MAN1C1: variants seen among roughly 807,000 people sequenced by gnomAD.
The protein encoded by MAN1C1 is mannosyl-oligosaccharide 1,2-alpha-mannosidase IC.
Under a neutral mutation model 71.5 loss-of-function variants are expected in MAN1C1, and 49 were observed. The observed-to-expected ratio is 0.69, with a 90% confidence interval of 0.54 to 0.87. MAN1C1 has a LOEUF of 0.87. MAN1C1 is among the 40% of genes least tolerant of loss of function. The pLI, the probability that MAN1C1 is intolerant of heterozygous loss-of-function variation, is 0.00. For synonymous variants in MAN1C1, 352 were observed against 343.7 expected (o/e 1.02, Z -0.27); for missense variants, 743 against 835.0 (o/e 0.89, Z 1.36).
intron 2 of MAN1C1, among the ~76,000 whole-genome samples, chr1:25,713,837 A>G (rs189731306): frequency 6.6e-6 from 1 of 152,204 alleles, no homozygotes. Context: ...CGCTGGGCCC[A>G]GTGTCTGCTC....
intron 1 of MAN1C1, among the ~76,000 whole-genome samples, chr1:25,621,198 G>C (rs2124746533): frequency 6.6e-6 from 1 of 152,348 alleles, no homozygotes; most frequent in East Asian, 1.9e-4. Flanking sequence ...TCCGAACTCT[G>C]TTTTGAGATA....
intron 2 of MAN1C1, among the ~76,000 whole-genome samples, chr1:25,728,153 G>T (rs898169663): frequency 6.6e-6 from 1 of 152,180 alleles, no homozygotes; most frequent in African/African-American, 2.4e-5. Flanking sequence ...CTAAAGCCTG[G>T]AGTGAGAGTC....
intron 1 of MAN1C1, among the ~76,000 whole-genome samples, chr1:25,653,797 C>T (rs146275620): frequency 6.6e-5 from 10 of 152,226 alleles, no homozygotes; most frequent in Non-Finnish European, 1.5e-4. Flanking sequence ...AGGGCCAGGT[C>T]GGGGCGGGGA....
chr1:25,661,670 A>G (rs72662653), intron 1 of MAN1C1, among the ~76,000 whole-genome samples: 18 of 152,336 alleles, frequency 1.2e-4, no homozygotes, highest in Admixed American at 2.0e-4. Context: ...AGCAGGAAGC[A>G]GAGCCACAGT....
At chr1:25,655,960 C>A (rs1023890256) in intron 1 of MAN1C1, among the ~76,000 whole-genome samples, 1 of 151,940 alleles carries the variant, frequency 6.6e-6, no homozygotes, top group African/African-American at 2.4e-5. Flanking sequence ...ACTGGGGGTG[C>A]TCAGGAGCTG....
Position 25,753,976 on chromosome 1 carries a change from C to G in MAN1C1, c.929+398C>G, listed in dbSNP as rs2047251552. On this transcript the variant is annotated intron_variant, in intron 5 of 11. Transcript: ENST00000374332. This position sits in a 1 kb window ranked among gnomAD's most constrained non-coding sequence, Gnocchi z 4.9. ...CACAATGGCCCCAAACACTCTCTTC[C>G]CCCGCTGGGGTTCCGGAGCCAGCAG... 6.6e-6 allele frequency among the ~76,000 whole-genome samples: 1 copy of G among 152,146 alleles called. No individual in the cohort carries two copies. Among genetic ancestry groups the G allele is most frequent in the Admixed American group, 6.5e-5 (1 of 15,282 alleles).
chr1:25,781,436 C>T (rs1042415849), intron 10 of MAN1C1, among the ~76,000 whole-genome samples: 3 of 152,156 alleles, frequency 2.0e-5, no homozygotes, highest in African/African-American at 7.2e-5. Context: ...CACCACGCGG[C>T]CACCGCTGTC....
intron 2 of MAN1C1, among the ~76,000 whole-genome samples, chr1:25,690,281 T>G (rs1391134478): frequency 6.7e-6 from 1 of 148,208 alleles, no homozygotes; most frequent in East Asian, 1.9e-4. Context: ...AAGGCTGATC[T>G]CTGCCTCTTT....
intron 1 of MAN1C1, among the ~76,000 whole-genome samples, chr1:25,682,931 G>A (rs556025794): frequency 3.3e-5 from 5 of 152,032 alleles, no homozygotes; most frequent in Admixed American, 1.3e-4. Context: ...CCGGCTACTC[G>A]GGAGGCTGAC....
intron 2 of MAN1C1, among the ~76,000 whole-genome samples, chr1:25,716,460 G>A (rs2046682635): frequency 6.6e-6 from 1 of 152,168 alleles, no homozygotes; most frequent in African/African-American, 2.4e-5. Context: ...AGCCTTCTGA[G>A]CAGCTGGGAC....
intron 1 of MAN1C1, among the ~76,000 whole-genome samples, chr1:25,675,240 T>A (rs1390539065): frequency 6.6e-6 from 1 of 152,128 alleles, no homozygotes; most frequent in Non-Finnish European, 1.5e-5. Flanking sequence ...CCCTGCAGTC[T>A]TTCCCCCAAC....
intron 2 of MAN1C1, among the ~76,000 whole-genome samples, chr1:25,742,085 G>A (rs2047070188): frequency 6.6e-6 from 1 of 152,334 alleles, no homozygotes; most frequent in Middle Eastern, 3.4e-3. Flanking sequence ...GCAAGAAGAG[G>A]TTAGCTAGTG....
At chr1:25,716,768 A>G (rs977388510) in intron 2 of MAN1C1, among the ~76,000 whole-genome samples, 1 of 152,236 alleles carries the variant, frequency 6.6e-6, no homozygotes, top group African/African-American at 2.4e-5. Context: ...ATGTATTTCA[A>G]CACCACTAAA....
chr1:25,693,288 G>A (rs538607340), intron 2 of MAN1C1, among the ~76,000 whole-genome samples: 2 of 152,286 alleles, frequency 1.3e-5, no homozygotes, highest in South Asian at 4.1e-4. Context: ...GGCTGAGGAG[G>A]AGGAAGTGGG....
chr1:25,659,106 C>G (rs1398811223), intron 1 of MAN1C1: 1 of 152,330 alleles, frequency 6.6e-6, no homozygotes, highest in African/African-American at 2.4e-5. Context: ...GTTCCCTGAT[C>G]TAAGCCCAGC....
chr1:25,727,910 A>C (rs996180118), intron 2 of MAN1C1, among the ~76,000 whole-genome samples: 1 of 152,244 alleles, frequency 6.6e-6, no homozygotes, highest in African/African-American at 2.4e-5. Context: ...GTGCAGACAC[A>C]TGACAAGGCT....
chr1:25,728,997 C>T (rs535100732), intron 2 of MAN1C1, among the ~76,000 whole-genome samples: 10 of 152,368 alleles, frequency 6.6e-5, no homozygotes, highest in African/African-American at 2.2e-4. Context: ...TCTCCAAATG[C>T]TGTTCCAGCC....
chr1:25,674,488 A>C (rs1409295656), intron 1 of MAN1C1, among the ~76,000 whole-genome samples: 5 of 152,206 alleles, frequency 3.3e-5, no homozygotes, highest in Non-Finnish European at 4.4e-5. Context: ...TTAATCACAC[A>C]ACTAATGTAA....
chr1:25,631,531 A>G lies in MAN1C1; in HGVS notation c.540+13194A>G, dbSNP rs1433132406. On this transcript the variant is annotated intron_variant, in intron 1 of 11. Coordinates refer to ENST00000374332, the MANE Select transcript of MAN1C1 (RefSeq NM_020379.4). This position sits in a 1 kb window ranked among gnomAD's most constrained non-coding sequence, Gnocchi z 4.2. ...ATGGTTTTTGTTTTTAATTCTGTTT[A>G]TGTGATATATGACATTTATTGACTT... 6.6e-6 allele frequency among the ~76,000 whole-genome samples: 1 copy of G among 152,062 alleles called. No homozygotes were observed.
Sources: allele counts gnomAD v4.1 joint callset (sites outside exome capture counted in the v4.1 genomes callset), GRCh38; gene constraint gnomAD v4.1.1; non-coding constraint Gnocchi (gnomAD v3.1); transcripts MANE v1.5; gene names NCBI Gene and HGNC (gene_info 2026-07-23, HGNC 2026-07-21).